The following SORCS1 variants were observed in gnomAD, a reference collection of about 807,000 sequenced individuals.
SORCS1 encodes the protein VPS10 domain-containing receptor SorCS1.
Under a neutral mutation model 146.1 loss-of-function variants are expected in SORCS1, and 60 were observed. The ratio of observed to expected loss-of-function variants is 0.41; its 90% CI spans 0.33 to 0.51. SORCS1 has a LOEUF of 0.51. Ranked by LOEUF, SORCS1 falls within the 20% of genes least tolerant of loss-of-function variation. SORCS1 has a pLI of 0.21. For missense variants in SORCS1, 1,352 were observed against 1,487.6 expected (o/e 0.91, Z 1.50); for synonymous variants, 637 against 584.0 (o/e 1.09, Z -1.31).
chr10:107,075,429 T>C (rs1245899421), intron 1 of SORCS1, among the ~76,000 whole-genome samples: 3 of 152,116 alleles, frequency 2.0e-5, no homozygotes, highest in African/African-American at 7.2e-5. Context: ...TTCTGTGAAG[T>C]TGACATCAAC....
chr10:106,659,437 C>T (rs1393575829), intron 17 of SORCS1, among the ~76,000 whole-genome samples: 5 of 152,186 alleles, frequency 3.3e-5, no homozygotes, highest in Non-Finnish European at 5.9e-5. Context: ...GAATGGCTCA[C>T]AGAATCCACT....
At chr10:107,110,864 G>A (rs1403023348) in intron 1 of SORCS1, among the ~76,000 whole-genome samples, 2 of 152,128 alleles carry the variant, frequency 1.3e-5, no homozygotes, top group East Asian at 3.9e-4. Flanking sequence ...CCTTCAAGTG[G>A]TTCTTCATCC....
At chr10:107,133,828 AC>A (rs1279931488) in intron 1 of SORCS1, among the ~76,000 whole-genome samples, 1 of 152,188 alleles carries the variant, frequency 6.6e-6, no homozygotes, top group Non-Finnish European at 1.5e-5. Flanking sequence ...TGGAAGTCCA[AC>A]AGATCCCCAG....
intron 18 of SORCS1, among the ~76,000 whole-genome samples, chr10:106,644,493 A>G (rs1457656447): frequency 1.3e-5 from 2 of 152,070 alleles, no homozygotes; most frequent in East Asian, 1.9e-4. Context: ...CAACCTCCCA[A>G]GTAGCTGGGA....
intron 1 of SORCS1, among the ~76,000 whole-genome samples, chr10:106,957,462 G>A (rs997830997): frequency 3.3e-5 from 5 of 151,966 alleles, no homozygotes; most frequent in African/African-American, 4.8e-5. Flanking sequence ...GTGAGCCACC[G>A]CACCTGGCCT....
At chr10:106,685,328 T>C (rs1462891759) in intron 10 of SORCS1, among the ~76,000 whole-genome samples, 3 of 151,818 alleles carry the variant, frequency 2.0e-5, no homozygotes, top group Non-Finnish European at 2.9e-5. Flanking sequence ...ATTCCTGGAG[T>C]TGATTCTTTG....
chr10:107,164,282 G>A lies in SORCS1; in HGVS notation c.245C>T (p.Pro82Leu). The A allele has an allele frequency of 6.3e-7, 1 of 1,597,332 alleles. No individual in the cohort carries two copies. The highest frequency in any genetic ancestry group is 2.3e-5 in the East Asian group (1 of 44,384). ...CTCCAGGGATAGCGCTCGGTCCCCGGGGGCCACTGAGAACAGGGGACGCAC... is the reference window on the plus strand; with the variant it reads ...CTCCAGGGATAGCGCTCGGTCCCCGAGGGCCACTGAGAACAGGGGACGCAC... ...LVVRPLFSVAPGDRALSLERA... is the reference protein window; with the variant it reads ...LVVRPLFSVALGDRALSLERA... Residue 82 changes from proline (P) to leucine (L), a missense_variant, in exon 1 of 26, where the codon CCC becomes CTC. Pro to Leu is a moderately conservative substitution (Grantham distance 98). Coordinates refer to ENST00000263054, the MANE Select transcript of SORCS1 (RefSeq NM_052918.5). This position sits in a 1 kb window ranked among gnomAD's most constrained non-coding sequence, Gnocchi z 6.8.
chr10:107,171,905 T>A, the SORCS1 span, among the ~76,000 whole-genome samples: 1 of 152,180 alleles, frequency 6.6e-6, no homozygotes, highest in African/African-American at 2.4e-5. Context: ...TAGATGTAGA[T>A]CCATGATTGT....
chr10:107,109,290 C>A (rs1282369344), intron 1 of SORCS1, among the ~76,000 whole-genome samples: 1 of 152,200 alleles, frequency 6.6e-6, no homozygotes, highest in Admixed American at 6.5e-5. Context: ...GGGTTACACC[C>A]CTGCAGCAGG....
Position 106,629,320 on chromosome 10 carries a change from G to A in SORCS1, c.2544C>T (p.Leu848=). 2.5e-6 allele frequency: 4 copies of A among 1,614,210 alleles called. No homozygotes were observed. The highest frequency in any genetic ancestry group is 3.4e-6 in the Non-Finnish European group (4 of 1,180,028). The part of the protein sequence containing the change: ...GDGIAVSYVN[L]SSMEDGIKHV... ...GTTTGATCCCATCTTCCATGGAGCT[G>A]AGATTGACGTAAGACACCGCGATAC... Residue 848 remains leucine (L), a synonymous_variant, in exon 19 of 26, where the codon CTC becomes CTT. Transcript: ENST00000263054.
intron 1 of SORCS1, among the ~76,000 whole-genome samples, chr10:107,058,298 C>T (rs934324840): frequency 1.3e-5 from 2 of 152,132 alleles, no homozygotes; most frequent in African/African-American, 4.8e-5. Flanking sequence ...GCCTCGGCCT[C>T]CCAAAGTGCT....
At chr10:106,685,615 T>C (rs868509511) in intron 10 of SORCS1, among the ~76,000 whole-genome samples, 8 of 152,176 alleles carry the variant, frequency 5.3e-5, no homozygotes, top group African/African-American at 1.4e-4. Flanking sequence ...CCCTAAGAGA[T>C]ACATGAACAT....
chr10:106,835,907 A>G (rs1289789706), intron 2 of SORCS1, among the ~76,000 whole-genome samples: 2 of 152,038 alleles, frequency 1.3e-5, no homozygotes, highest in Non-Finnish European at 2.9e-5. Context: ...CAGGAGGCTG[A>G]GGCAGGAGAA....
At chr10:106,796,829 G>T (rs1946582134) in intron 3 of SORCS1, among the ~76,000 whole-genome samples, 1 of 152,312 alleles carries the variant, frequency 6.6e-6, no homozygotes, top group Non-Finnish European at 1.5e-5. Context: ...AATGTACCTG[G>T]CCGGGCACAG....
At position 106,730,103 on chromosome 10, in the gene SORCS1, C is replaced by T; in HGVS notation, c.971G>A (p.Gly324Glu). Residue 324 changes from glycine (G) to glutamate (E), a missense_variant, in exon 6 of 26, where the codon GGG (glycine) becomes GAG (glutamate). This residue lies in a region of SORCS1 where 490 missense variants were observed against 489.1 expected (regional missense o/e 1.00). Transcript: ENST00000263054. ...CACAAGGTCTGGTTCTTTATTTGAC[C>T]CCATCACAGACCTAAAAAATGGAGA... is the stretch of plus-strand genomic sequence containing the variant. The part of the protein sequence containing the change: ...VPNRFYWSVM[G>E]SNKEPDLVHL... 2 of 1,614,056 alleles carry T rather than the reference C, an allele frequency of 1.2e-6. No individual in the cohort carries two copies. Among genetic ancestry groups the T allele is most frequent in the Non-Finnish European group, 8.5e-7 (1 of 1,180,002 alleles).
chr10:106,755,035 T>C (rs1026305884), intron 5 of SORCS1, among the ~76,000 whole-genome samples: 1 of 152,188 alleles, frequency 6.6e-6, no homozygotes, highest in Non-Finnish European at 1.5e-5. Context: ...AGAAATGCCT[T>C]CCATTGCTTT....
chr10:107,049,298 T>C (rs1159045388), intron 1 of SORCS1, among the ~76,000 whole-genome samples: 1 of 142,672 alleles, frequency 7.0e-6, no homozygotes, highest in African/African-American at 2.6e-5. Flanking sequence ...AGGGATAGCA[T>C]TAGGAGATAT....
chr10:106,879,520 T>A (rs1027063770), intron 2 of SORCS1, among the ~76,000 whole-genome samples: 3 of 152,216 alleles, frequency 2.0e-5, no homozygotes, highest in Non-Finnish European at 1.5e-5. Context: ...TTAGATGACA[T>A]GACAAAAGGG....
chr10:106,823,208 G>T (rs982551942), intron 3 of SORCS1, among the ~76,000 whole-genome samples: 1 of 152,162 alleles, frequency 6.6e-6, no homozygotes, highest in Admixed American at 6.5e-5. Flanking sequence ...TCCGCCAAGG[G>T]AATGTCATGC....
Sources: gnomAD v4.1 joint callset for allele counts (sites outside exome capture counted in the v4.1 genomes callset) on GRCh38, gnomAD v4.1.1 for gene constraint, gnomAD v4.1.1 regional missense constraint, Gnocchi (gnomAD v3.1) non-coding constraint, MANE v1.5 for transcripts, NCBI Gene and HGNC (gene_info 2026-07-23, HGNC 2026-07-21) for gene names.